FRMPD4: variants seen among roughly 807,000 people sequenced by gnomAD.
FRMPD4 encodes FERM and PDZ domain containing 4, also known as FERM and PDZ domain-containing protein 4.
A neutral mutation model predicts 94.1 loss-of-function variants in FRMPD4; 22 were observed. The ratio of observed to expected loss-of-function variants is 0.23; its 90% CI spans 0.17 to 0.33. The LOEUF (loss-of-function observed/expected upper bound fraction) is 0.33, where lower values mean the gene tolerates loss of function less well. Ranked by LOEUF, FRMPD4 falls within the 10% of genes least tolerant of loss-of-function variation. The probability of loss-of-function intolerance (pLI) is 1.00; values close to 1 mark genes in which losing one functional copy is unlikely to be tolerated. For synonymous variants in FRMPD4, 631 were observed against 548.6 expected (o/e 1.15, Z -2.10); for missense variants, 1,111 against 1,339.9 (o/e 0.83, Z 2.67).
intron 3 of FRMPD4, among the ~76,000 whole-genome samples, chrX:12,090,101 C>A (rs1428659296): frequency 9.0e-6 from 1 of 111,484 alleles, no homozygotes; most frequent in African/African-American, 3.3e-5. Context: ...TGGTTTGGAC[C>A]TGTGTCTCTG....
intron 1 of FRMPD4, among the ~76,000 whole-genome samples, chrX:12,232,860 G>A (rs1051393021): frequency 3.6e-5 from 4 of 111,980 alleles, no homozygotes; most frequent in Non-Finnish European, 7.5e-5. Context: ...CAGTATAGTA[G>A]GAGTTATAGG....
chrX:12,456,413 T>C (rs2057334236), intron 1 of FRMPD4, among the ~76,000 whole-genome samples: 1 of 111,913 alleles, frequency 8.9e-6, no homozygotes, highest in African/African-American at 3.2e-5. Context: ...CGGGAATATT[T>C]ACATTACAAA....
chrX:12,337,096 A>G (rs899648723), intron 1 of FRMPD4, among the ~76,000 whole-genome samples: 4 of 111,629 alleles, frequency 3.6e-5, no homozygotes, highest in Non-Finnish European at 7.5e-5. Flanking sequence ...GAAAATCTGT[A>G]GACACTTTGA....
chrX:12,046,301 TCA>T (rs1321925165), intron 3 of FRMPD4, among the ~76,000 whole-genome samples: 1 of 111,371 alleles, frequency 9.0e-6, no homozygotes, highest in African/African-American at 3.3e-5. Flanking sequence ...AAGGAAAAAC[TCA>T]CCACGTTTTT....
In FRMPD4 at chrX:12,718,497, C is replaced by G; in HGVS notation, c.3671C>G (p.Thr1224Arg). The G allele has an allele frequency of 1.7e-6, 2 of 1,206,201 alleles. No homozygotes were observed. The highest frequency in any genetic ancestry group is 1.1e-6 in the Non-Finnish European group (1 of 890,345). ...TCTTCAGTGGATGCAGGCTGTGGCA[C>G]AGGCAGCAGTGGCAGTGCCTGTGCC... The part of the protein sequence containing the change: ...QGSSVDAGCG[T>R]GSSGSACATP... Residue 1224 changes from threonine to arginine, a missense_variant, in exon 16 of 17, where the codon ACA becomes AGA. By Grantham distance (71) the Thr-to-Arg change is moderately conservative. Coordinates refer to ENST00000675598, the MANE Select transcript of FRMPD4 (RefSeq NM_001368397.1).
Position 11,947,383 on chromosome X carries a change from A to T in FRMPD4, c.95+69365A>T, listed in dbSNP as rs181727186. Among the ~76,000 whole-genome samples the T allele has an allele frequency of 6.2e-5, 7 of 112,371 alleles. No individual in the cohort carries two copies. In the East Asian group the frequency reaches 2.0e-3, roughly 32 times the overall value. On this transcript the variant is annotated intron_variant, in intron 3 of 18. Transcript: ENST00000640291. ...AAAAGAGTTAACTAGCCTCTGAGCA[A>T]CATCATCTGGATTGAGCTCTTGGAA...
intron 1 of FRMPD4, among the ~76,000 whole-genome samples, chrX:12,307,623 G>T (rs960460238): frequency 8.9e-6 from 1 of 111,792 alleles, no homozygotes; most frequent in Non-Finnish European, 1.9e-5. Flanking sequence ...TGAGGTGCTG[G>T]AAATAGTCTG....
intron 2 of FRMPD4, among the ~76,000 whole-genome samples, chrX:12,581,656 A>T (rs779675473): frequency 8.9e-6 from 1 of 111,810 alleles, no homozygotes; most frequent in Admixed American, 9.4e-5. Flanking sequence ...GGCCTCGTGT[A>T]GCCTGTCTCT....
At chrX:12,629,321 G>A (rs1206809584) in intron 4 of FRMPD4, among the ~76,000 whole-genome samples, 1 of 112,158 alleles carries the variant, frequency 8.9e-6, no homozygotes, top group African/African-American at 3.2e-5. Flanking sequence ...CAGAGTAAAG[G>A]AATGAAAGGT....
chrX:12,628,924 T>C lies in FRMPD4; in HGVS notation c.422+14043T>C, dbSNP rs1011359047. On this transcript the variant is annotated intron_variant, in intron 4 of 16. Coordinates refer to ENST00000675598, the MANE Select transcript of FRMPD4 (RefSeq NM_001368397.1). The stretch of plus-strand genomic sequence containing the variant: ...CCACATGGCTGGGGAAGCCTCACAA[T>C]CATGGCAGAAGGCAAAAGGTACGTC... 7.1e-5 allele frequency among the ~76,000 whole-genome samples: 8 copies of C among 112,355 alleles called. No individual in the cohort carries two copies. The East Asian group carries it at 2.0e-3, about 27-fold the overall frequency.
intron 3 of FRMPD4, among the ~76,000 whole-genome samples, chrX:11,960,245 GT>G: frequency 8.9e-6 from 1 of 112,009 alleles, no homozygotes; most frequent in South Asian, 3.8e-4. Flanking sequence ...TTTCCAGCTT[GT>G]GTGTATGTGT....
At chrX:12,346,902 A>G (rs776871078) in intron 1 of FRMPD4, among the ~76,000 whole-genome samples, 17 of 112,450 alleles carry the variant, frequency 1.5e-4, no homozygotes, top group Admixed American at 3.8e-4. Context: ...ATTATGTGGA[A>G]TCTATTATCC....
chrX:12,084,434 G>A (rs1284158358), intron 3 of FRMPD4, among the ~76,000 whole-genome samples: 6 of 109,980 alleles, frequency 5.5e-5, no homozygotes, highest in Admixed American at 9.6e-5. Context: ...TGTCAGCAAT[G>A]TGAAAAAAAA....
At chrX:12,203,384 A>G (rs1158845970) in intron 1 of FRMPD4, among the ~76,000 whole-genome samples, 1 of 111,924 alleles carries the variant, frequency 8.9e-6, no homozygotes, top group Non-Finnish European at 1.9e-5. Flanking sequence ...TAATGGGGTC[A>G]TTCTCAGGAA....
intron 3 of FRMPD4, among the ~76,000 whole-genome samples, chrX:12,122,961 T>C (rs2055467764): frequency 9.0e-6 from 1 of 111,184 alleles, no homozygotes; most frequent in Non-Finnish European, 1.9e-5. Context: ...TACAAAATTG[T>C]GCAGTGTACA....
At chrX:12,672,128 G>A (rs1199022667) in intron 4 of FRMPD4, among the ~76,000 whole-genome samples, 2 of 112,077 alleles carry the variant, frequency 1.8e-5, no homozygotes, top group Non-Finnish European at 3.8e-5. Context: ...AAGATGGTGA[G>A]GTAAAAGGCA....
At chrX:12,032,196 C>G (rs1443627880) in intron 3 of FRMPD4, among the ~76,000 whole-genome samples, 1 of 111,961 alleles carries the variant, frequency 8.9e-6, no homozygotes, top group Non-Finnish European at 1.9e-5. Flanking sequence ...GAATCATCAT[C>G]ATACAGTACT....
intron 2 of FRMPD4, among the ~76,000 whole-genome samples, chrX:12,605,760 C>A (rs755901013): frequency 9.0e-6 from 1 of 111,015 alleles, no homozygotes; most frequent in South Asian, 3.9e-4. Context: ...CCCCCCGAAA[C>A]GTTTCCTGTT....
intron 9 of FRMPD4, among the ~76,000 whole-genome samples, chrX:12,701,319 C>T (rs1602344999): frequency 9.1e-6 from 1 of 110,423 alleles, no homozygotes; most frequent in African/African-American, 3.3e-5. Flanking sequence ...GTAATCCACC[C>T]GCCTTGGCCT....
Sources: gnomAD v4.1 joint callset for allele counts (sites outside exome capture counted in the v4.1 genomes callset) on GRCh38, gnomAD v4.1.1 for gene constraint, MANE v1.5 for transcripts, NCBI Gene and HGNC (gene_info 2026-07-23, HGNC 2026-07-21) for gene names.